PTPRD: variants seen among roughly 807,000 people sequenced by gnomAD.
The protein encoded by PTPRD is receptor-type tyrosine-protein phosphatase delta.
In PTPRD, 34 loss-of-function variants were observed where a neutral mutation model predicts 214.5. That is an observed-to-expected ratio of 0.16 (90% CI 0.12 to 0.21). The LOEUF is 0.21. PTPRD is among the 10% of genes least tolerant of loss of function. The probability of loss-of-function intolerance (pLI) is 1.00; values close to 1 mark genes in which losing one functional copy is unlikely to be tolerated. For synonymous variants in PTPRD, 1,128 were observed against 845.7 expected, an observed-to-expected ratio of 1.33 and a Z score of -5.79; for missense variants, 2,545 against 2,398.7, an observed-to-expected ratio of 1.06 and a Z score of -1.27.
intron 3 of PTPRD, among the ~76,000 whole-genome samples, chr9:10,058,161 T>G (rs1398520084): frequency 6.6e-6 from 1 of 152,044 alleles, no homozygotes; most frequent in African/African-American, 2.4e-5. Context: ...TTACCTTCGT[T>G]CTAGTGATTC....
At chr9:8,546,083 T>C (rs1293531071) in intron 14 of PTPRD, among the ~76,000 whole-genome samples, 2 of 152,200 alleles carry the variant, frequency 1.3e-5, no homozygotes, top group Non-Finnish European at 2.9e-5. Context: ...ACCGACCACA[T>C]AGTGTTGCTT....
chr9:8,776,063 A>AT (rs1472674992), intron 11 of PTPRD, among the ~76,000 whole-genome samples: 8 of 152,162 alleles, frequency 5.3e-5, no homozygotes, highest in Admixed American at 5.2e-4. Context: ...ATTTTCTTTG[A>AT]TTTTTAAAAG....
At chr9:9,380,929 T>C (rs898044643) in intron 9 of PTPRD, among the ~76,000 whole-genome samples, 1 of 152,204 alleles carries the variant, frequency 6.6e-6, no homozygotes, top group Non-Finnish European at 1.5e-5. Flanking sequence ...TTTATCATTA[T>C]GTAATGCTCT....
chr9:10,150,503 G>A (rs1205312861), intron 3 of PTPRD, among the ~76,000 whole-genome samples: 2 of 151,920 alleles, frequency 1.3e-5, no homozygotes, highest in East Asian at 3.9e-4. Flanking sequence ...ACATACCGGG[G>A]CCTTTCGTGG....
intron 10 of PTPRD, among the ~76,000 whole-genome samples, chr9:9,080,729 G>A (rs1329254987): frequency 2.6e-5 from 4 of 152,034 alleles, no homozygotes; most frequent in African/African-American, 9.6e-5. Flanking sequence ...CCCTTGGGAG[G>A]GTGTATGTGT....
chr9:9,658,467 T>C (rs921321624), intron 7 of PTPRD, among the ~76,000 whole-genome samples: 2 of 152,190 alleles, frequency 1.3e-5, no homozygotes, highest in African/African-American at 4.8e-5. Flanking sequence ...TTTACTGTTT[T>C]TCCGAACATC....
At chr9:10,204,690 A>G (rs2099458377) in intron 3 of PTPRD, among the ~76,000 whole-genome samples, 1 of 152,216 alleles carries the variant, frequency 6.6e-6, no homozygotes, top group African/African-American at 2.4e-5. Flanking sequence ...CTCTCTTACT[A>G]GAGGAAGATT....
chr9:9,679,293 A>G (rs2097012602), intron 7 of PTPRD, among the ~76,000 whole-genome samples: 1 of 151,744 alleles, frequency 6.6e-6, no homozygotes, highest in Admixed American at 6.6e-5. Context: ...CACACAAAAG[A>G]TGGCACCATT....
chr9:9,730,295 A>T (rs2154441220), intron 7 of PTPRD, among the ~76,000 whole-genome samples: 1 of 152,260 alleles, frequency 6.6e-6, no homozygotes, highest in South Asian at 2.1e-4. Flanking sequence ...GGACGGCCAA[A>T]CTTGCATAAA....
rs774138564 is a variant in PTPRD at position 9,023,652 on chromosome 9, C to T, written c.-142-4917G>A. Among the ~76,000 whole-genome samples, 151 of 151,974 alleles carry T rather than the reference C, an allele frequency of 9.9e-4. 4 individuals are homozygous for T. The highest frequency in any genetic ancestry group is 3.4e-3 in the Middle Eastern group (1 of 294). On this transcript the variant is annotated intron_variant, in intron 10 of 45. Coordinates refer to ENST00000381196, the MANE Select transcript of PTPRD (RefSeq NM_002839.4). ...CACTAGGCAGCTTTTCAGCTCACAT[C>T]CCCCGCTCTCCCTCCCCCGTCTAAT...
chr9:10,526,511 G>T (rs763443579), intron 2 of PTPRD, among the ~76,000 whole-genome samples: 22 of 152,112 alleles, frequency 1.4e-4, no homozygotes, highest in Admixed American at 7.9e-4. Context: ...TATTTCAGGA[G>T]CTTATAAGGA....
At chr9:10,147,264 C>CTT (rs111470973) in intron 3 of PTPRD, among the ~76,000 whole-genome samples, 5 of 151,132 alleles carry the variant, frequency 3.3e-5, no homozygotes, top group Admixed American at 6.6e-5. Flanking sequence ...ACATATAGTT[C>CTT]TTTTTTTTTA....
rs2154320399 is a variant in PTPRD at position 8,633,357 on chromosome 9, C to T, written c.312G>A (p.Val104=). Residue 104 remains valine (V), a synonymous_variant, in exon 14 of 46, where the codon GTG becomes GTA. Transcript: ENST00000381196. ...GTCTGGTGGATACACTTATTTCTCC[C>T]ACATTATTTGAGGCCACACATTCAT... ...AIYECVASNN[V]GEISVSTRLT... The T allele has an allele frequency of 6.2e-7, 1 of 1,612,768 alleles. No individual in the cohort carries two copies. Among genetic ancestry groups the T allele is most frequent in the South Asian group, 1.1e-5 (1 of 90,992 alleles).
At chr9:10,507,896 C>T (rs2046582400) in intron 2 of PTPRD, among the ~76,000 whole-genome samples, 1 of 152,132 alleles carries the variant, frequency 6.6e-6, no homozygotes, top group Non-Finnish European at 1.5e-5. Context: ...TGGGCAAGGA[C>T]TTCATGTCTA....
At chr9:9,576,761 A>C (rs1674397201) in intron 7 of PTPRD, among the ~76,000 whole-genome samples, 1 of 152,212 alleles carries the variant, frequency 6.6e-6, no homozygotes, top group Admixed American at 6.6e-5. Flanking sequence ...TAAAAGTTTA[A>C]AGTCAAGCTT....
chr9:10,141,458 G>C (rs2098984444), intron 3 of PTPRD, among the ~76,000 whole-genome samples: 1 of 139,576 alleles, frequency 7.2e-6, no homozygotes, highest in South Asian at 2.2e-4. Context: ...ACAACAACAA[G>C]AGACAAACAG....
At chr9:8,599,569 T>C (rs1457263475) in intron 14 of PTPRD, among the ~76,000 whole-genome samples, 4 of 149,932 alleles carry the variant, frequency 2.7e-5, no homozygotes, top group South Asian at 2.1e-4. Context: ...GAACGCAAGA[T>C]GGATGAGGGC....
chr9:9,091,793 GGGGCAAAT>G (rs1197018769), intron 10 of PTPRD, among the ~76,000 whole-genome samples: 1 of 152,156 alleles, frequency 6.6e-6, no homozygotes, highest in East Asian at 1.9e-4. Flanking sequence ...CTTTCAGGTT[GGGGCAAAT>G]GGGATACTGT....
chr9:9,447,439 C>T (rs1489049840), intron 8 of PTPRD, among the ~76,000 whole-genome samples: 1 of 117,442 alleles, frequency 8.5e-6, no homozygotes, highest in Non-Finnish European at 1.9e-5. Flanking sequence ...CGTATGTTCT[C>T]ACTTATATGT....
Sources: allele counts gnomAD v4.1 joint callset (sites outside exome capture counted in the v4.1 genomes callset), GRCh38; gene constraint gnomAD v4.1.1; transcripts MANE v1.5; gene names NCBI Gene and HGNC (gene_info 2026-07-23, HGNC 2026-07-21).